OR8J1: variants seen among roughly 807,000 people sequenced by gnomAD.
The protein encoded by OR8J1 is olfactory receptor family 8 subfamily J member 1, also known as olfactory receptor 8J1.
For synonymous variants in OR8J1, 157 were observed against 144.3 expected (o/e 1.09, Z -0.63); for missense variants, 400 against 373.0 (o/e 1.07, Z -0.60).
Position 56,361,086 on chromosome 11 carries a change from G to A in OR8J1, c.840G>A (p.Thr280=), listed in dbSNP as rs747486541. The stretch of plus-strand genomic sequence containing the variant: ...ATAAGATGGCTTCTGTGTTTTACAC[G>A]TTGGTAATTCCTATGCTGAATCCCT... ...TDDKMASVFY[T]LVIPMLNPLI... Residue 280 remains threonine, a synonymous_variant, in exon 2 of 2, where the codon ACG becomes ACA. Coordinates refer to ENST00000533152, the MANE Select transcript of OR8J1 (RefSeq NM_001005205.3). 38 of 1,515,914 alleles carry A rather than the reference G, an allele frequency of 2.5e-5. No homozygotes were observed. The highest frequency in any genetic ancestry group is 2.8e-5 in the South Asian group (2 of 70,870). 93.9% of individuals were successfully genotyped at this position (1,515,914 alleles called of 1,614,324 possible).
intron 1 of OR8J1, among the ~76,000 whole-genome samples, chr11:56,359,277 A>G (rs921379955): frequency 6.6e-6 from 1 of 152,118 alleles, no homozygotes; most frequent in Non-Finnish European, 1.5e-5. Context: ...TTTAAATTCT[A>G]TGTCAAATAT....
chr11:56,358,030 A>G, intron 1 of OR8J1: 1 of 696,676 alleles, frequency 1.4e-6, no homozygotes, highest in Middle Eastern at 4.3e-4. Context: ...AACTCCAGAC[A>G]TGATGGAGGA....
rs558806987 is a variant in OR8J1 at position 56,356,008 on chromosome 11, T to C, written c.-21+1683T>C. Among the ~76,000 whole-genome samples the C allele has an allele frequency of 2.5e-4, 38 of 152,280 alleles. No homozygotes were observed. In the South Asian group the frequency reaches 7.9e-3, roughly 32 times the overall value. ...AAATATGCCTTAAAGGCATGTTTTG[T>C]AGGGTGAATGACCAGAAAAGTCATG... is the stretch of plus-strand genomic sequence containing the variant. On this transcript the variant is annotated intron_variant, in intron 1 of 1. Coordinates refer to ENST00000533152, the MANE Select transcript of OR8J1 (RefSeq NM_001005205.3).
At chr11:56,358,774 A>G (rs944195026) in intron 1 of OR8J1, among the ~76,000 whole-genome samples, 2 of 152,182 alleles carry the variant, frequency 1.3e-5, no homozygotes, top group Non-Finnish European at 2.9e-5. Context: ...TAGTAGGTCC[A>G]TAAAACAAGG....
intron 1 of OR8J1, chr11:56,357,618 T>A: frequency 7.5e-7 from 1 of 1,326,066 alleles, no homozygotes; most frequent in Non-Finnish European, 1.1e-6. Context: ...TGCTGCAGCC[T>A]ATTGTACTTG....
Position 56,360,327 on chromosome 11 carries a change from C to T in OR8J1, c.81C>T (p.Leu27=). The T allele has an allele frequency of 6.2e-7, 1 of 1,611,914 alleles. No homozygotes were observed. The highest frequency in any genetic ancestry group is 8.5e-7 in the Non-Finnish European group (1 of 1,178,188). The change falls in exon 2 of 2, where the codon CTC becomes CTT. Residue 27 remains leucine (L), a synonymous_variant. Transcript: ENST00000533152. Reference sequence around the variant, plus strand: ...GCTGTCCAGAGCTCCAGATTCCCCTCTTCCTGGTCTTTCTGGTGCTCTATG... The same window carrying T: ...GCTGTCCAGAGCTCCAGATTCCCCTTTTCCTGGTCTTTCTGGTGCTCTATG... The part of the protein sequence containing the change: ...VSSCPELQIP[L]FLVFLVLYGL...
chr11:56,357,388 G>T (rs61903530), intron 1 of OR8J1: 52,117 of 786,330 alleles, frequency 0.066, 2,183 homozygotes, highest in Non-Finnish European at 0.082. Flanking sequence ...AAATTTAGAA[G>T]ACGACGAGAG....
At chr11:56,358,799 G>A (rs1852596791) in intron 1 of OR8J1, among the ~76,000 whole-genome samples, 1 of 152,034 alleles carries the variant, frequency 6.6e-6, no homozygotes, top group South Asian at 2.1e-4. Flanking sequence ...ACTAGTTTAT[G>A]TGAAGTTTGC....
rs1292847615 is a variant in OR8J1 at position 56,360,727 on chromosome 11, T to C, written c.481T>C (p.Ser161Pro). The C allele has an allele frequency of 1.9e-6, 3 of 1,608,622 alleles. No homozygotes were observed. The East Asian group carries it at 6.7e-5, about 36-fold the overall frequency. The change falls in exon 2 of 2, where the codon TCT (serine) becomes CCT (proline). Residue 161 changes from serine (S) to proline (P), a missense_variant. Coordinates refer to ENST00000533152, the MANE Select transcript of OR8J1 (RefSeq NM_001005205.3). ...CTTTTCTACAGCTATTGTGGTTTCATCTTATGTATTCTCTGTGTCTTATTG... is the reference window on the plus strand; with the variant it reads ...CTTTTCTACAGCTATTGTGGTTTCACCTTATGTATTCTCTGTGTCTTATTG... ...YGFSTAIVVS[S>P]YVFSVSYCSS...
chr11:56,360,749 A>G lies in OR8J1; in HGVS notation c.503A>G (p.Tyr168Cys), dbSNP rs775064528. The change falls in exon 2 of 2, where the codon TAT (tyrosine) becomes TGT (cysteine). Residue 168 changes from tyrosine to cysteine, a missense_variant. Tyr to Cys is a radical substitution (Grantham distance 194, BLOSUM62 -2). Transcript: ENST00000533152. Reference protein sequence around the residue: ...VVSSYVFSVSYCSSNIINHFY... With the variant: ...VVSSYVFSVSCCSSNIINHFY... ...TCATCTTATGTATTCTCTGTGTCTT[A>G]TTGCTCTTCTAATATAATCAATCAT... 6.2e-7 allele frequency: 1 copy of G among 1,602,228 alleles called. No individual in the cohort carries two copies. Among genetic ancestry groups the G allele is most frequent in the Admixed American group, 1.8e-5 (1 of 56,656 alleles).
chr11:56,359,165 A>G (rs1234043074), intron 1 of OR8J1, among the ~76,000 whole-genome samples: 3 of 152,108 alleles, frequency 2.0e-5, no homozygotes, highest in Admixed American at 6.5e-5. Context: ...CAACAGGGGA[A>G]CTATAAATTG....
At chr11:56,359,577 C>T (rs902400781) in intron 1 of OR8J1, among the ~76,000 whole-genome samples, 1 of 151,786 alleles carries the variant, frequency 6.6e-6, no homozygotes, top group African/African-American at 2.4e-5. Context: ...CAAGAAATTA[C>T]AAAACTAATA....
In OR8J1 at chr11:56,354,339, A is replaced by C. The variant is rs1854939272; in HGVS notation, c.-21+14A>C. 6.6e-6 allele frequency: 1 copy of C among 152,172 alleles called. No individual in the cohort carries two copies. Among genetic ancestry groups the C allele is most frequent in the Non-Finnish European group, 1.5e-5 (1 of 68,020 alleles). 9.4% of individuals were successfully genotyped at this position (152,172 alleles called of 1,614,324 possible). ...TCTCCTCTAGAGGTGGGTGGAAAAG[A>C]CTTACCTTATTTTTGTATAATGACC... On this transcript the variant is annotated intron_variant, in intron 1 of 1. Transcript: ENST00000533152.
At chr11:56,357,884 C>T (rs1854991178) in intron 1 of OR8J1, 1 of 885,984 alleles carries the variant, frequency 1.1e-6, no homozygotes, top group Non-Finnish European at 1.9e-6. Flanking sequence ...ATTCTGAAAG[C>T]AAGGGATTTA....
intron 1 of OR8J1, among the ~76,000 whole-genome samples, chr11:56,356,945 A>G (rs925143866): frequency 6.6e-6 from 1 of 152,080 alleles, no homozygotes; most frequent in Non-Finnish European, 1.5e-5. Context: ...TAAATCCCCC[A>G]TCTGTCATTC....
At chr11:56,354,674 G>T (rs182230568) in intron 1 of OR8J1, among the ~76,000 whole-genome samples, 3 of 152,108 alleles carry the variant, frequency 2.0e-5, no homozygotes, top group Non-Finnish European at 4.4e-5. Flanking sequence ...ATTGTATATT[G>T]TACAGGATAG....
chr11:56,358,355 A>T (rs1755455297), intron 1 of OR8J1: 2 of 160,374 alleles, frequency 1.2e-5, no homozygotes, highest in Non-Finnish European at 2.7e-5. Flanking sequence ...ATCTATTCAC[A>T]CTGTCCTCCA....
rs775248395 is a variant in OR8J1 at position 56,360,469 on chromosome 11, A to G, written c.223A>G (p.Thr75Ala). 6 of 1,613,990 alleles carry G rather than the reference A, an allele frequency of 3.7e-6. No individual in the cohort carries two copies. The highest frequency in any genetic ancestry group is 3.4e-6 in the Non-Finnish European group (4 of 1,180,012). ...GGCTCTCATTAATCTTGGTAACTCT[A>G]CTGTCATTGCCCCTAAAATGCTGAT... The part of the protein sequence containing the change: ...HLALINLGNS[T>A]VIAPKMLINF... The change falls in exon 2 of 2, where the codon ACT becomes GCT. Residue 75 changes from threonine (T) to alanine (A), a missense_variant. Physicochemically the swap from Thr to Ala is moderately conservative, Grantham distance 58. Transcript: ENST00000533152.
At chr11:56,359,509 C>G (rs1392856564) in intron 1 of OR8J1, among the ~76,000 whole-genome samples, 5 of 151,508 alleles carry the variant, frequency 3.3e-5, no homozygotes, top group Non-Finnish European at 7.4e-5. Flanking sequence ...TGAAACAGAA[C>G]CAACAAAAAG....
Sources: allele counts gnomAD v4.1 joint callset (sites outside exome capture counted in the v4.1 genomes callset), GRCh38; gene constraint gnomAD v4.1.1; transcripts MANE v1.5; gene names NCBI Gene and HGNC (gene_info 2026-07-23, HGNC 2026-07-21).